Variants in ADAMTS17 observed in about 807,000 individuals in gnomAD.
The protein encoded by ADAMTS17 is ADAM metallopeptidase with thrombospondin type 1 motif 17.
ADAMTS17 carries 113 observed loss-of-function variants against 141.5 expected under a neutral mutation model. The ratio of observed to expected loss-of-function variants is 0.80; its 90% CI spans 0.69 to 0.93. ADAMTS17 has a LOEUF of 0.93. Ranked by LOEUF, ADAMTS17 falls within the 40% of genes least tolerant of loss-of-function variation. ADAMTS17 has a pLI of 0.00. For missense variants in ADAMTS17, 1,659 were observed against 1,517.9 expected, an observed-to-expected ratio of 1.09 and a Z score of -1.54; for synonymous variants, 768 against 630.6, an observed-to-expected ratio of 1.22 and a Z score of -3.27.
intron 17 of ADAMTS17, among the ~76,000 whole-genome samples, chr15:100,049,588 G>C (rs958040683): frequency 1.3e-5 from 2 of 152,178 alleles, no homozygotes; most frequent in African/African-American, 4.8e-5. Context: ...ATCCCAAATA[G>C]ATGTAGCCCT....
chr15:100,173,220 C>G (rs1298002784), intron 8 of ADAMTS17, among the ~76,000 whole-genome samples: 2 of 151,990 alleles, frequency 1.3e-5, no homozygotes, highest in East Asian at 1.9e-4. Context: ...CCTCTTTTCC[C>G]CCACTCCCTA....
At chr15:100,269,274 A>C (rs1345097160) in intron 4 of ADAMTS17, among the ~76,000 whole-genome samples, 1 of 152,252 alleles carries the variant, frequency 6.6e-6, no homozygotes, top group Non-Finnish European at 1.5e-5. Flanking sequence ...AAAATTGACA[A>C]GTGAGATCTA....
intron 14 of ADAMTS17, among the ~76,000 whole-genome samples, chr15:100,108,094 G>T (rs1428613570): frequency 1.3e-5 from 2 of 152,168 alleles, no homozygotes; most frequent in East Asian, 1.9e-4. Flanking sequence ...CCTGGGGAGG[G>T]TAAGGGCTAC....
intron 7 of ADAMTS17, among the ~76,000 whole-genome samples, chr15:100,203,389 A>G (rs1182164968): frequency 1.3e-5 from 2 of 152,218 alleles, no homozygotes; most frequent in Non-Finnish European, 2.9e-5. Context: ...CCTGGCCAAC[A>G]TGGTGAAACC....
intron 4 of ADAMTS17, among the ~76,000 whole-genome samples, chr15:100,277,616 C>T (rs936167376): frequency 6.6e-6 from 1 of 152,204 alleles, no homozygotes; most frequent in Non-Finnish European, 1.5e-5. Flanking sequence ...AGGCGTGCTC[C>T]GGGCAGACTG....
At position 100,155,040 on chromosome 15, in the gene ADAMTS17, C is replaced by T. The variant is rs1286247341; in HGVS notation, c.1322+140G>A. On this transcript the variant is annotated intron_variant, in intron 9 of 21. Coordinates refer to ENST00000268070, the MANE Select transcript of ADAMTS17 (RefSeq NM_139057.4). ...GTCCTTGCCATTATAGGACACTCTG[C>T]GCTGACCGCCTCCTGAGGCTAGATG... The T allele has an allele frequency of 1.1e-5, 14 of 1,253,612 alleles. 1 individual carries two copies. Among genetic ancestry groups the T allele is most frequent in the South Asian group, 5.1e-5 (4 of 78,116 alleles). The allele number at this position is 1,253,612 out of a possible 1,614,324, so 77.7% of individuals were successfully genotyped here.
chr15:100,183,470 T>C (rs900585618), intron 8 of ADAMTS17, among the ~76,000 whole-genome samples: 1 of 152,234 alleles, frequency 6.6e-6, no homozygotes, highest in African/African-American at 2.4e-5. Flanking sequence ...GTTCCTATAT[T>C]TTTTCAGTTC....
intron 14 of ADAMTS17, among the ~76,000 whole-genome samples, chr15:100,097,146 A>G (rs1011358534): frequency 1.3e-5 from 2 of 152,220 alleles, no homozygotes; most frequent in African/African-American, 4.8e-5. Flanking sequence ...AAAAGCAGAA[A>G]AAGGTTTTGG....
chr15:100,235,607 G>A (rs937221243), intron 7 of ADAMTS17, among the ~76,000 whole-genome samples: 3 of 152,182 alleles, frequency 2.0e-5, no homozygotes, highest in African/African-American at 7.2e-5. Flanking sequence ...AGCTGAGAAT[G>A]TGCATTCCTC....
chr15:100,299,282 G>A (rs76512707), intron 3 of ADAMTS17, among the ~76,000 whole-genome samples: 8,635 of 150,910 alleles, frequency 0.057, 530 homozygotes, highest in East Asian at 0.24. Context: ...TTGCACGCCC[G>A]GACGTCAGGG....
chr15:100,264,005 T>G (rs1293473134), intron 4 of ADAMTS17, among the ~76,000 whole-genome samples: 1 of 152,240 alleles, frequency 6.6e-6, no homozygotes, highest in Non-Finnish European at 1.5e-5. Context: ...GACAAAGGAA[T>G]CAGCCGTGTC....
At chr15:100,146,495 G>A (rs540295326) in intron 10 of ADAMTS17, among the ~76,000 whole-genome samples, 31 of 152,230 alleles carry the variant, frequency 2.0e-4, no homozygotes, top group Non-Finnish European at 4.0e-4. Flanking sequence ...AGCTGAGGAA[G>A]ATGTATGTCG....
intron 3 of ADAMTS17, among the ~76,000 whole-genome samples, chr15:100,297,105 G>A (rs932120898): frequency 3.3e-5 from 5 of 152,110 alleles, no homozygotes; most frequent in African/African-American, 1.2e-4. Context: ...AGATAAGTAG[G>A]AGTTAACAGA....
chr15:100,320,318 G>C (rs1361760601), intron 3 of ADAMTS17, among the ~76,000 whole-genome samples: 1 of 152,144 alleles, frequency 6.6e-6, no homozygotes, highest in East Asian at 1.9e-4. Context: ...GGAAAATCAC[G>C]ACAAGTCCCA....
In ADAMTS17 at chr15:100,151,947, C is replaced by A. The variant is rs116750707; in HGVS notation, c.1473+665G>T. Among the ~76,000 whole-genome samples, 690 of 152,324 alleles carry A rather than the reference C, an allele frequency of 4.5e-3. 6 individuals are homozygous for A. Among genetic ancestry groups the A allele is most frequent in the African/African-American group, 0.015 (637 of 41,574 alleles). ...GACTTGAGTTCAAATCCTCGCTCTACTACCTACTAACAAAGCCTTTTTCAA... is the reference window on the plus strand; with the variant it reads ...GACTTGAGTTCAAATCCTCGCTCTAATACCTACTAACAAAGCCTTTTTCAA... On this transcript the variant is annotated intron_variant, in intron 10 of 21. Coordinates refer to ENST00000268070, the MANE Select transcript of ADAMTS17 (RefSeq NM_139057.4).
intron 15 of ADAMTS17, among the ~76,000 whole-genome samples, chr15:100,062,155 C>A (rs559299668): frequency 9.7e-4 from 148 of 152,330 alleles, no homozygotes; most frequent in African/African-American, 3.4e-3. Flanking sequence ...CCAGGCGAGG[C>A]AGGGACACTG....
intron 15 of ADAMTS17, among the ~76,000 whole-genome samples, chr15:100,068,407 G>A (rs1024524329): frequency 6.6e-6 from 1 of 152,198 alleles, no homozygotes; most frequent in Admixed American, 6.5e-5. Context: ...GAGAGTAGTG[G>A]TTCTCCCAGC....
At chr15:100,266,319 C>T (rs1411577066) in intron 4 of ADAMTS17, among the ~76,000 whole-genome samples, 2 of 152,200 alleles carry the variant, frequency 1.3e-5, no homozygotes, top group Admixed American at 6.5e-5. Flanking sequence ...CAGCACAGCA[C>T]ATCTGGAAAA....
chr15:100,313,606 C>G (rs2045470657), intron 3 of ADAMTS17, among the ~76,000 whole-genome samples: 1 of 152,178 alleles, frequency 6.6e-6, no homozygotes. Context: ...ACAACCTTGG[C>G]CAAGTAACAG....
Sources: gnomAD v4.1 joint callset for allele counts (sites outside exome capture counted in the v4.1 genomes callset) on GRCh38, gnomAD v4.1.1 for gene constraint, MANE v1.5 for transcripts, NCBI Gene and HGNC (gene_info 2026-07-23, HGNC 2026-07-21) for gene names.